TENM2: variants seen among roughly 807,000 people sequenced by gnomAD.
The protein encoded by TENM2 is teneurin transmembrane protein 2, also known as teneurin-2.
Under a neutral mutation model 245.2 loss-of-function variants are expected in TENM2, and 52 were observed. The ratio of observed to expected loss-of-function variants is 0.21; its 90% confidence interval spans 0.17 to 0.27. The LOEUF is 0.27. TENM2 is among the 10% of genes least tolerant of loss of function. TENM2 has a pLI of 1.00. For synonymous variants in TENM2, 1,363 were observed against 1,438.9 expected, an observed-to-expected ratio of 0.95 and a Z score of 1.19; for missense variants, 3,046 against 3,666.8, an observed-to-expected ratio of 0.83 and a Z score of 4.37.
intron 23 of TENM2, among the ~76,000 whole-genome samples, chr5:168,219,738 C>T (rs1286228144): frequency 1.4e-5 from 2 of 144,758 alleles, no homozygotes; most frequent in African/African-American, 5.3e-5. Flanking sequence ...TGTGTTAACC[C>T]CTGTGTACTT....
intron 7 of TENM2, among the ~76,000 whole-genome samples, chr5:168,089,979 T>C (rs924913634): frequency 6.6e-6 from 1 of 152,084 alleles, no homozygotes; most frequent in African/African-American, 2.4e-5. Context: ...CATTCAGGAT[T>C]TTCTCAGGCT....
At chr5:167,958,007 G>C (rs1013154402) in intron 4 of TENM2, among the ~76,000 whole-genome samples, 5 of 152,140 alleles carry the variant, frequency 3.3e-5, no homozygotes, top group Non-Finnish European at 7.3e-5. Context: ...GTCCAGAGCT[G>C]AGTTCAAGTC....
the TENM2 span, among the ~76,000 whole-genome samples, chr5:166,987,872 C>T: frequency 6.6e-6 from 1 of 152,120 alleles, no homozygotes; most frequent in Non-Finnish European, 1.5e-5. Flanking sequence ...AAGCATTCCC[C>T]AAATGCTCCA....
rs144653845 is a variant in TENM2, at chr5:167,652,218, A to T, written c.503-223768A>T. 2.9e-3 allele frequency among the ~76,000 whole-genome samples: 443 copies of T among 152,258 alleles called. 7 individuals carry two copies. The highest frequency in any genetic ancestry group is 9.8e-3 in the African/African-American group (407 of 41,558). ...CTGGAAATTACTTGACCTTAAATGC[A>T]CTTTCTCTATGGCATCCAAAGTCAT... On this transcript the variant is annotated intron_variant, in intron 2 of 28. Coordinates refer to ENST00000518659, the Ensembl canonical transcript of TENM2.
At chr5:167,983,358 G>A (rs1170626265) in intron 4 of TENM2, among the ~76,000 whole-genome samples, 1 of 152,168 alleles carries the variant, frequency 6.6e-6, no homozygotes, top group African/African-American at 2.4e-5. Flanking sequence ...ATCACAGTGT[G>A]ACACTATTTA....
chr5:167,743,884 A>G (rs1376014932), intron 2 of TENM2, among the ~76,000 whole-genome samples: 1 of 152,224 alleles, frequency 6.6e-6, no homozygotes, highest in Non-Finnish European at 1.5e-5. Flanking sequence ...AATCTGTTCC[A>G]GGGGCAACAT....
the TENM2 span, among the ~76,000 whole-genome samples, chr5:166,997,403 T>G: frequency 8.0e-4 from 122 of 152,290 alleles, 1 homozygote; most frequent in South Asian, 8.9e-3. Flanking sequence ...GGAATAGAAT[T>G]TCCTTATCTG....
intron 2 of TENM2, chr5:167,653,402 C>G (rs530867075): frequency 3.9e-5 from 6 of 152,278 alleles, no homozygotes; most frequent in Non-Finnish European, 7.3e-5. Flanking sequence ...ATTACAGGCA[C>G]AAGTTACCAT....
chr5:168,072,243 T>A (rs12521814), intron 7 of TENM2, among the ~76,000 whole-genome samples: 16,743 of 152,220 alleles, frequency 0.11, 1,200 homozygotes, highest in Admixed American at 0.21. Flanking sequence ...CATTCATTCT[T>A]CTGGCCCTAT....
the TENM2 span, among the ~76,000 whole-genome samples, chr5:167,182,376 T>C: frequency 8.5e-5 from 13 of 152,258 alleles, no homozygotes; most frequent in South Asian, 1.9e-3. Flanking sequence ...AGACTTTTGT[T>C]GCCTTTTTAA....
At chr5:167,821,293 G>A (rs1266960747) in intron 2 of TENM2, 3 of 152,208 alleles carry the variant, frequency 2.0e-5, no homozygotes, top group Non-Finnish European at 4.4e-5. Flanking sequence ...AATGGTAAGT[G>A]TCAATTACAT....
the TENM2 span, among the ~76,000 whole-genome samples, chr5:167,217,937 T>C: frequency 6.6e-6 from 1 of 151,786 alleles, no homozygotes; most frequent in East Asian, 1.9e-4. Flanking sequence ...AGGACCCAGG[T>C]CTCAATCTTC....
chr5:167,835,676 C>CTATA (rs1768920962), intron 2 of TENM2, among the ~76,000 whole-genome samples: 1 of 151,528 alleles, frequency 6.6e-6, no homozygotes, highest in Non-Finnish European at 1.5e-5. Flanking sequence ...TGAATGCTGA[C>CTATA]TATATTCCTA....
At chr5:167,959,677 C>A (rs577049483) in intron 4 of TENM2, among the ~76,000 whole-genome samples, 1 of 152,082 alleles carries the variant, frequency 6.6e-6, no homozygotes, top group Non-Finnish European at 1.5e-5. Context: ...TTTGTTATTT[C>A]CCACCTTCTG....
chr5:167,326,657 A>T (rs1436060878), intron 1 of TENM2, among the ~76,000 whole-genome samples: 1 of 150,476 alleles, frequency 6.6e-6, no homozygotes, highest in Non-Finnish European at 1.5e-5. Context: ...TGGTGAAAAG[A>T]ATGAGACTCC....
intron 2 of TENM2, among the ~76,000 whole-genome samples, chr5:167,609,488 C>CAAAAAAAAAAAAAAAAAAAAAAAA (rs5873049): frequency 2.7e-5 from 1 of 36,692 alleles, no homozygotes; most frequent in African/African-American, 9.8e-5. Context: ...CCTGATGATG[C>CAAAAAAAAAAAAAAAAAAAAAAAA]AAAAAAAAAA....
the TENM2 span, among the ~76,000 whole-genome samples, chr5:167,159,601 A>T: frequency 6.6e-6 from 1 of 152,236 alleles, no homozygotes; most frequent in African/African-American, 2.4e-5. Flanking sequence ...TATTTTATCT[A>T]TCAGTTAAAA....
intron 2 of TENM2, among the ~76,000 whole-genome samples, chr5:167,459,936 G>T (rs187531452): frequency 1.0e-5 from 1 of 99,096 alleles, no homozygotes; most frequent in African/African-American, 3.4e-5. Context: ...ACACACACAC[G>T]CACACACACA....
At chr5:167,550,899 TC>T (rs1185559342) in intron 2 of TENM2, among the ~76,000 whole-genome samples, 5 of 151,974 alleles carry the variant, frequency 3.3e-5, no homozygotes. Flanking sequence ...TGGCTAATTT[TC>T]GCATTTTCAG....
Sources: gnomAD v4.1 joint callset for allele counts (sites outside exome capture counted in the v4.1 genomes callset) on GRCh38, gnomAD v4.1.1 for gene constraint, MANE v1.5 for transcripts, NCBI Gene and HGNC (gene_info 2026-07-23, HGNC 2026-07-21) for gene names.